The following ASCC1 variants were observed in gnomAD, a reference collection of about 807,000 sequenced individuals.
ASCC1 encodes the protein activating signal cointegrator 1 complex subunit 1, also known as ASC-1 complex subunit P50.
In ASCC1, 35 loss-of-function variants were observed where a neutral mutation model predicts 46.6. The observed-to-expected ratio is 0.75, with a 90% CI of 0.57 to 0.99. The LOEUF is 0.99. Ranked by LOEUF, ASCC1 falls within the 50% of genes least tolerant of loss-of-function variation. The pLI, the probability that ASCC1 is intolerant of heterozygous loss-of-function variation, is 0.00. For synonymous variants in ASCC1, 143 were observed against 146.6 expected (o/e 0.98, Z 0.18); for missense variants, 376 against 428.7 (o/e 0.88, Z 1.09).
At chr10:72,148,075 C>T (rs750616436) in intron 7 of ASCC1, among the ~76,000 whole-genome samples, 51 of 152,284 alleles carry the variant, frequency 3.3e-4, no homozygotes, top group South Asian at 1.0e-3. Context: ...ATTACAGTAA[C>T]GGCATCAAAC....
In ASCC1 at chr10:72,200,143, T is replaced by C. The variant is rs191419759; in HGVS notation, c.311-3154A>G. Among the ~76,000 whole-genome samples the C allele has an allele frequency of 5.9e-5, 9 of 152,216 alleles. No homozygotes were observed. In the East Asian group the frequency reaches 1.5e-3, roughly 26 times the overall value. On this transcript the variant is annotated intron_variant, in intron 4 of 9. Coordinates refer to ENST00000672957, the MANE Select transcript of ASCC1 (RefSeq NM_001198800.3). ...CTGGAATGAATCTAGTATATTAAAA[T>C]GGCTAGGGTCTCCACATTTACACCA...
At chr10:72,147,619 T>C (rs969731396) in intron 7 of ASCC1, among the ~76,000 whole-genome samples, 4 of 152,212 alleles carry the variant, frequency 2.6e-5, no homozygotes, top group African/African-American at 9.6e-5. Context: ...CCTACTCAAC[T>C]TAGCATATAC....
intron 8 of ASCC1, among the ~76,000 whole-genome samples, chr10:72,131,572 A>C (rs1384215864): frequency 1.3e-5 from 2 of 152,026 alleles, no homozygotes. Flanking sequence ...TCTTAATCTC[A>C]GTGTTCTCAA....
chr10:72,140,710 C>T (rs944473190), intron 7 of ASCC1, among the ~76,000 whole-genome samples: 1 of 152,094 alleles, frequency 6.6e-6, no homozygotes, highest in African/African-American at 2.4e-5. Context: ...TCACTTCACC[C>T]ATCTGTAAGA....
intron 9 of ASCC1, among the ~76,000 whole-genome samples, chr10:72,110,474 C>T (rs1013342323): frequency 1.3e-4 from 20 of 152,200 alleles, no homozygotes; most frequent in Non-Finnish European, 2.6e-4. Context: ...TCTCCACCAA[C>T]AAGGCAGCAT....
At chr10:72,187,013 C>T (rs1853560355) in intron 5 of ASCC1, among the ~76,000 whole-genome samples, 1 of 151,334 alleles carries the variant, frequency 6.6e-6, no homozygotes, top group Non-Finnish European at 1.5e-5. Context: ...TATTTGTATC[C>T]TTCCAAAGAA....
intron 3 of ASCC1, among the ~76,000 whole-genome samples, chr10:72,207,877 T>G (rs1399168870): frequency 6.6e-6 from 1 of 151,888 alleles, no homozygotes; most frequent in Admixed American, 6.6e-5. Context: ...ATTGGCACAA[T>G]CATAGCTCAC....
At chr10:72,170,471 C>T (rs979046080) in intron 5 of ASCC1, among the ~76,000 whole-genome samples, 1 of 151,746 alleles carries the variant, frequency 6.6e-6, no homozygotes, top group Non-Finnish European at 1.5e-5. Context: ...AAAGAGCCGG[C>T]GTGGCACCGT....
chr10:72,200,664 C>CAA (rs1038037776), intron 4 of ASCC1, among the ~76,000 whole-genome samples: 49 of 99,022 alleles, frequency 4.9e-4, no homozygotes, highest in African/African-American at 1.2e-3. Context: ...AACTCCATCT[C>CAA]AAAAAAAAAA....
intron 3 of ASCC1, chr10:72,204,601 T>C: frequency 6.8e-7 from 1 of 1,464,318 alleles, no homozygotes; most frequent in Non-Finnish European, 9.2e-7. Flanking sequence ...TCAACGTTAT[T>C]TTAACCTCTA....
intron 1 of ASCC1, among the ~76,000 whole-genome samples, chr10:72,215,048 T>C (rs1444939943): frequency 6.6e-6 from 1 of 152,252 alleles, no homozygotes; most frequent in Non-Finnish European, 1.5e-5. Flanking sequence ...TTAGATAGTC[T>C]TGAAGCCCAA....
At chr10:72,158,800 T>C (rs1384378759) in intron 6 of ASCC1, 1 of 152,208 alleles carries the variant, frequency 6.6e-6, no homozygotes, top group Non-Finnish European at 1.5e-5. Context: ...TTTCCTTTCA[T>C]ATTTTAATTT....
chr10:72,170,992 T>A (rs1021922019), intron 5 of ASCC1, among the ~76,000 whole-genome samples: 6 of 151,986 alleles, frequency 3.9e-5, no homozygotes, highest in Non-Finnish European at 7.4e-5. Flanking sequence ...AATTAAAATA[T>A]TTTGAAATAT....
At chr10:72,135,082 T>C (rs1323683737) in intron 7 of ASCC1, among the ~76,000 whole-genome samples, 2 of 152,154 alleles carry the variant, frequency 1.3e-5, no homozygotes, top group Non-Finnish European at 2.9e-5. Context: ...GTGTGTGTTT[T>C]CAATGAGGAG....
At chr10:72,196,672 A>G (rs867308091) in intron 5 of ASCC1, 139 bp downstream of exon 5, 151 of 863,318 alleles carry the variant, frequency 1.7e-4, no homozygotes, top group Middle Eastern at 1.4e-3. Flanking sequence ...TCAGTTCAAT[A>G]TAAGAAGCCA....
intron 9 of ASCC1, among the ~76,000 whole-genome samples, chr10:72,100,134 TCCTA>T (rs1841570210): frequency 6.6e-6 from 1 of 152,276 alleles, no homozygotes; most frequent in Non-Finnish European, 1.5e-5. Context: ...ATGTCACCCT[TCCTA>T]CCTCTGTTCT....
chr10:72,168,264 T>C (rs1327263086), intron 5 of ASCC1, among the ~76,000 whole-genome samples: 1 of 152,096 alleles, frequency 6.6e-6, no homozygotes, highest in Non-Finnish European at 1.5e-5. Context: ...TATTGAACAA[T>C]AGGCAAAAGA....
chr10:72,181,631 T>TGA (rs1007839331), intron 5 of ASCC1, among the ~76,000 whole-genome samples: 1 of 151,732 alleles, frequency 6.6e-6, no homozygotes, highest in African/African-American at 2.4e-5. Flanking sequence ...TTTGGAAAAC[T>TGA]GAAGCAGAGA....
chr10:72,096,300 G>C lies in ASCC1; in HGVS notation c.*1034C>G. On this transcript the variant is annotated 3_prime_UTR_variant, in exon 10 of 10. Coordinates refer to ENST00000672957, the MANE Select transcript of ASCC1 (RefSeq NM_001198800.3). The stretch of plus-strand genomic sequence containing the variant: ...CTGGTCCGTGGTGAGGGAGGAGTGA[G>C]GGCCTCCTGTGGCTGACATTCTTCC... 3 of 454,090 alleles carry C rather than the reference G, an allele frequency of 6.6e-6. No individual in the cohort carries two copies. Among genetic ancestry groups the C allele is most frequent in the Non-Finnish European group, 1.3e-5 (3 of 226,760 alleles). The allele number at this position is 454,090 out of a possible 1,614,324, so 28.1% of individuals were successfully genotyped here.
Sources: gnomAD v4.1 joint callset for allele counts (sites outside exome capture counted in the v4.1 genomes callset) on GRCh38, gnomAD v4.1.1 for gene constraint, MANE v1.5 for transcripts, NCBI Gene and HGNC (gene_info 2026-07-23, HGNC 2026-07-21) for gene names.